The following RNF13 variants were observed in gnomAD, a reference collection of about 807,000 sequenced individuals.
RNF13 encodes the protein ring finger protein 13, also known as E3 ubiquitin-protein ligase RNF13.
In RNF13, 19 loss-of-function variants were observed where a neutral mutation model predicts 37.7. That is an observed-to-expected ratio of 0.50 (90% CI 0.35 to 0.74). The LOEUF (loss-of-function observed/expected upper bound fraction) is 0.74, where lower values mean the gene tolerates loss of function less well. Among genes scored for constraint, RNF13 ranks in the 30% least tolerant of loss-of-function variants. RNF13 has a pLI of 0.01. For synonymous variants in RNF13, 144 were observed against 157.8 expected, an observed-to-expected ratio of 0.91 and a Z score of 0.65; for missense variants, 375 against 453.0, an observed-to-expected ratio of 0.83 and a Z score of 1.56.
intron 3 of RNF13, among the ~76,000 whole-genome samples, chr3:149,865,343 T>TATATATATATATATATA (rs939468937): frequency 2.7e-5 from 4 of 147,096 alleles, no homozygotes; most frequent in South Asian, 4.3e-4. Context: ...TATATATATA[T>TATATATATATATATATA]ATATATATGT....
chr3:149,871,923 C>A, intron 3 of RNF13, 106 bp from the exon 4 acceptor site: 2 of 918,986 alleles, frequency 2.2e-6, no homozygotes, highest in Non-Finnish European at 3.1e-6. Context: ...AATGATACAT[C>A]TAGCATAATG....
At chr3:149,856,979 A>G (rs1297025490) in intron 3 of RNF13, among the ~76,000 whole-genome samples, 1 of 152,140 alleles carries the variant, frequency 6.6e-6, no homozygotes, top group East Asian at 1.9e-4. Flanking sequence ...CAATCTTCTG[A>G]CTTCATGATC....
intron 1 of RNF13, among the ~76,000 whole-genome samples, chr3:149,825,223 C>T (rs1024328095): frequency 1.3e-5 from 2 of 151,368 alleles, no homozygotes; most frequent in Non-Finnish European, 2.9e-5. Flanking sequence ...GTTGCCCAGG[C>T]TGGAGTGCAG....
At chr3:149,837,877 C>G (rs930931261) in intron 1 of RNF13, among the ~76,000 whole-genome samples, 5 of 152,220 alleles carry the variant, frequency 3.3e-5, no homozygotes, top group African/African-American at 1.2e-4. Context: ...AGTCCACATT[C>G]CAATGTCTCA....
intron 4 of RNF13, among the ~76,000 whole-genome samples, chr3:149,889,364 G>A (rs2108479906): frequency 6.7e-6 from 1 of 149,602 alleles, no homozygotes; most frequent in Middle Eastern, 3.5e-3. Flanking sequence ...GAGTGCAGTG[G>A]CGTGATCTCA....
At chr3:149,917,837 T>A (rs1717703542) in intron 7 of RNF13, among the ~76,000 whole-genome samples, 1 of 152,186 alleles carries the variant, frequency 6.6e-6, no homozygotes, top group Admixed American at 6.5e-5. Flanking sequence ...ACTTGTGAAT[T>A]TGTTTTGTCT....
chr3:149,816,541 T>G (rs1719474084), intron 1 of RNF13, among the ~76,000 whole-genome samples: 1 of 148,778 alleles, frequency 6.7e-6, no homozygotes, highest in Admixed American at 6.7e-5. Context: ...TCATTGAGGA[T>G]GAGGTCATTT....
At chr3:149,910,612 G>A (rs1358143967) in intron 6 of RNF13, among the ~76,000 whole-genome samples, 2 of 152,182 alleles carry the variant, frequency 1.3e-5, no homozygotes, top group Non-Finnish European at 2.9e-5. Context: ...GAGGAAAGGA[G>A]TAAATCTGTT....
intron 3 of RNF13, among the ~76,000 whole-genome samples, chr3:149,866,102 T>C (rs908382659): frequency 6.6e-6 from 1 of 151,868 alleles, no homozygotes. Context: ...TAAACTGTCA[T>C]GGCACTGGTA....
At chr3:149,945,426 G>A (rs1030260070) in intron 8 of RNF13, among the ~76,000 whole-genome samples, 4 of 152,184 alleles carry the variant, frequency 2.6e-5, no homozygotes, top group South Asian at 2.1e-4. Flanking sequence ...TAGGAAGCTC[G>A]AACTGGGTGG....
At position 149,948,347 on chromosome 3, in the gene RNF13, C is replaced by CT. The variant is rs1289128836; in HGVS notation, c.701-11704dup. Among the ~76,000 whole-genome samples, 7 of 152,258 alleles carry CT rather than the reference C, an allele frequency of 4.6e-5. No homozygotes were observed. The East Asian group carries it at 7.7e-4, about 17-fold the overall frequency. ...CAATCAATGTCTTGGTATGTTTGAT[C>CT]TTTTTACATTTAAAATAATTACTGA... On this transcript the variant is annotated intron_variant, in intron 8 of 9. Coordinates refer to ENST00000392894, the MANE Select transcript of RNF13 (RefSeq NM_183381.3).
intron 8 of RNF13, among the ~76,000 whole-genome samples, chr3:149,952,125 A>G (rs1379506432): frequency 6.6e-6 from 1 of 152,220 alleles, no homozygotes; most frequent in Non-Finnish European, 1.5e-5. Flanking sequence ...CTAGCAGTAT[A>G]TAATACTCAT....
intron 1 of RNF13, among the ~76,000 whole-genome samples, chr3:149,832,186 GA>G (rs1468398113): frequency 1.1e-4 from 16 of 152,206 alleles, no homozygotes; most frequent in South Asian, 1.0e-3. Flanking sequence ...TTTAGTAGTG[GA>G]ATATTTTGGT....
chr3:149,901,340 G>A (rs1715817629), intron 5 of RNF13, among the ~76,000 whole-genome samples: 1 of 152,132 alleles, frequency 6.6e-6, no homozygotes, highest in African/African-American at 2.4e-5. Context: ...AGCTAATAAT[G>A]AGGCTGCTTT....
chr3:149,891,965 C>T (rs1714754435), intron 4 of RNF13, among the ~76,000 whole-genome samples: 1 of 152,078 alleles, frequency 6.6e-6, no homozygotes, highest in Non-Finnish European at 1.5e-5. Flanking sequence ...ATGTATTTTC[C>T]TTGTTTGTAT....
intron 3 of RNF13, among the ~76,000 whole-genome samples, chr3:149,857,051 ATATCT>A (rs1723732383): frequency 2.0e-5 from 3 of 152,242 alleles, no homozygotes; most frequent in African/African-American, 7.2e-5. Context: ...CCGGCCCAAA[ATATCT>A]TACTTTTAAA....
intron 4 of RNF13, among the ~76,000 whole-genome samples, chr3:149,881,550 C>T (rs748857194): frequency 1.1e-4 from 16 of 152,072 alleles, no homozygotes; most frequent in African/African-American, 1.4e-4. Flanking sequence ...AGGCTGGCCT[C>T]GAACCCCTGA....
chr3:149,824,513 G>A (rs1720287868), intron 1 of RNF13, among the ~76,000 whole-genome samples: 1 of 152,230 alleles, frequency 6.6e-6, no homozygotes, highest in Non-Finnish European at 1.5e-5. Context: ...GATGTTGGCA[G>A]CCTCTAGAAG....
At chr3:149,940,579 G>T (rs1187600147) in intron 8 of RNF13, among the ~76,000 whole-genome samples, 2 of 152,026 alleles carry the variant, frequency 1.3e-5, no homozygotes, top group Admixed American at 6.6e-5. Flanking sequence ...TCTCTTTAAA[G>T]AACTTATTTT....
Sources: allele counts gnomAD v4.1 joint callset (sites outside exome capture counted in the v4.1 genomes callset), GRCh38; gene constraint gnomAD v4.1.1; transcripts MANE v1.5; gene names NCBI Gene and HGNC (gene_info 2026-07-23, HGNC 2026-07-21).